VPS13C: variants seen among roughly 807,000 people sequenced by gnomAD.
The protein encoded by VPS13C is intermembrane lipid transfer protein VPS13C.
Under a neutral mutation model 456.8 loss-of-function variants are expected in VPS13C, and 358 were observed. The ratio of observed to expected loss-of-function variants is 0.78; its 90% CI spans 0.72 to 0.86. VPS13C has a LOEUF of 0.86. Among genes scored for constraint, VPS13C ranks in the 40% least tolerant of loss-of-function variants. VPS13C has a pLI of 0.00. For synonymous variants in VPS13C, 1,578 were observed against 1,486.7 expected (o/e 1.06, Z -1.41); for missense variants, 4,818 against 4,385.4 (o/e 1.10, Z -2.79).
intron 79 of VPS13C, among the ~76,000 whole-genome samples, chr15:61,870,844 G>C (rs775956431): frequency 6.6e-6 from 1 of 152,180 alleles, no homozygotes; most frequent in Non-Finnish European, 1.5e-5. Context: ...GTTTTGACTC[G>C]CATTTCCCTG....
At chr15:61,948,336 G>C (rs2044673478) in intron 42 of VPS13C, among the ~76,000 whole-genome samples, 1 of 152,084 alleles carries the variant, frequency 6.6e-6, no homozygotes, top group Non-Finnish European at 1.5e-5. Flanking sequence ...AGCAGGTAAA[G>C]CTCTTTTACT....
At chr15:61,876,269 T>C (rs953966961) in intron 75 of VPS13C, among the ~76,000 whole-genome samples, 1 of 152,006 alleles carries the variant, frequency 6.6e-6, no homozygotes, top group African/African-American at 2.4e-5. Context: ...TCCGTCTCTA[T>C]AAAAACTCAA....
chr15:61,885,255 C>CT (rs1198641332), intron 67 of VPS13C, among the ~76,000 whole-genome samples: 1 of 152,012 alleles, frequency 6.6e-6, no homozygotes, highest in East Asian at 1.9e-4. Flanking sequence ...CACTGTTTGT[C>CT]TTCTAATTTT....
rs1467791200 is a variant in VPS13C, at chr15:61,858,009, C to T, written c.10953-1600G>A. On this transcript the variant is annotated intron_variant, in intron 82 of 84. Transcript: ENST00000644861. The surrounding 1 kb of genome is among the most constrained non-coding windows in gnomAD (Gnocchi z 4.4). The stretch of plus-strand genomic sequence containing the variant: ...GTCCTACAATCACTGTGGCAATCTC[C>T]AACACCACCATACATTTCCAAACAG... 6.6e-6 allele frequency among the ~76,000 whole-genome samples: 1 copy of T among 152,140 alleles called. No individual in the cohort carries two copies. Among genetic ancestry groups the T allele is most frequent in the African/African-American group, 2.4e-5 (1 of 41,428 alleles).
In VPS13C at chr15:61,912,016, A is replaced by C; in HGVS notation, c.8551-12T>G. The C allele has an allele frequency of 6.4e-7, 1 of 1,552,668 alleles. No homozygotes were observed. Among genetic ancestry groups the C allele is most frequent in the Non-Finnish European group, 8.7e-7 (1 of 1,147,578 alleles). On this transcript the variant is annotated splice_polypyrimidine_tract_variant and intron_variant, in intron 62 of 84. Transcript: ENST00000644861. Reference sequence around the variant, plus strand: ...ATGCTAACACCAACCTGTGGAAAGGAAAAAAGCTTATTTTCCAGTTTATTC... The same window carrying C: ...ATGCTAACACCAACCTGTGGAAAGGCAAAAAGCTTATTTTCCAGTTTATTC...
chr15:61,924,410 C>T lies in VPS13C; in HGVS notation c.6609+1046G>A, dbSNP rs1189097022. 2.6e-5 allele frequency among the ~76,000 whole-genome samples: 4 copies of T among 152,310 alleles called. No homozygotes were observed. The East Asian group carries it at 7.7e-4, about 29-fold the overall frequency. On this transcript the variant is annotated intron_variant, in intron 53 of 84. Coordinates refer to ENST00000644861, the MANE Select transcript of VPS13C (RefSeq NM_020821.3). ...GAAAGCTGTAATCACTGATTTCTTT[C>T]TTTCTCCCGCATATGTCATTAAGTT...
chr15:61,945,679 C>T, intron 45 of VPS13C, 36 bp downstream of exon 45: 2 of 1,506,116 alleles, frequency 1.3e-6, no homozygotes, highest in African/African-American at 1.4e-5. Flanking sequence ...GATATTTAGG[C>T]CTCAGTGAGG....
At chr15:61,919,975 A>C in intron 57 of VPS13C, 92 bp downstream of exon 57, 4 of 1,237,726 alleles carry the variant, frequency 3.2e-6, no homozygotes, top group Non-Finnish European at 4.3e-6. Context: ...ATCTCCAGAT[A>C]TCTGCAGCAA....
intron 3 of VPS13C, among the ~76,000 whole-genome samples, chr15:62,038,913 C>T (rs1317678907): frequency 6.6e-6 from 1 of 152,158 alleles, no homozygotes. Context: ...CCATCTTACA[C>T]CAGCTAGAAT....
chr15:62,002,010 T>C (rs1179283946), intron 15 of VPS13C, among the ~76,000 whole-genome samples: 1 of 152,196 alleles, frequency 6.6e-6, no homozygotes, highest in Non-Finnish European at 1.5e-5. Flanking sequence ...GCAGCATGAT[T>C]TATAGTCCTT....
chr15:61,991,095 C>T lies in VPS13C; in HGVS notation c.1484-1G>A. ...TCTGGAGTCATAAGGTCATCAATAG[C>T]TATGAAAAAACAACATTTTAAGAAA... On this transcript the variant is annotated splice_acceptor_variant, in intron 17 of 84. Coordinates refer to ENST00000644861, the MANE Select transcript of VPS13C (RefSeq NM_020821.3). LOFTEE classifies it high-confidence loss of function. The T allele has an allele frequency of 1.9e-6, 3 of 1,590,302 alleles. No individual in the cohort carries two copies. The South Asian group carries it at 3.5e-5, about 18-fold the overall frequency.
intron 16 of VPS13C, among the ~76,000 whole-genome samples, chr15:62,000,214 A>T (rs749761553): frequency 6.6e-6 from 1 of 152,210 alleles, no homozygotes; most frequent in Non-Finnish European, 1.5e-5. Context: ...CTACAAAAAA[A>T]AATTAGCCGG....
intron 9 of VPS13C, among the ~76,000 whole-genome samples, chr15:62,014,625 C>A (rs1434535130): frequency 6.6e-6 from 1 of 152,018 alleles, no homozygotes; most frequent in Non-Finnish European, 1.5e-5. Flanking sequence ...TTTACTATTG[C>A]TGTAGTTGTT....
chr15:61,968,587 A>G (rs148502455), intron 28 of VPS13C, among the ~76,000 whole-genome samples: 11 of 152,294 alleles, frequency 7.2e-5, no homozygotes, highest in African/African-American at 2.2e-4. Flanking sequence ...CCATTCCTAC[A>G]TGCCTCAAAT....
chr15:61,965,588 CA>C (rs1265549746), intron 30 of VPS13C, among the ~76,000 whole-genome samples: 2 of 151,808 alleles, frequency 1.3e-5, no homozygotes, highest in African/African-American at 4.8e-5. Context: ...AATATTAAAA[CA>C]GATTTCCCCA....
At chr15:61,997,310 C>T (rs562809555) in intron 16 of VPS13C, among the ~76,000 whole-genome samples, 1 of 152,248 alleles carries the variant, frequency 6.6e-6, no homozygotes, top group Non-Finnish European at 1.5e-5. Flanking sequence ...GGTTCTTTCC[C>T]ATCCCTCTGA....
At chr15:61,918,106 T>G (rs760060552) in intron 59 of VPS13C, 30 bp downstream of exon 59, 2 of 1,548,364 alleles carry the variant, frequency 1.3e-6, no homozygotes, top group Non-Finnish European at 1.7e-6. Flanking sequence ...TCAATACATT[T>G]AAAGTTTAAT....
chr15:62,028,512 T>C (rs1431510925), intron 5 of VPS13C, 92 bp from the exon 6 acceptor site: 1 of 1,254,192 alleles, frequency 8.0e-7, no homozygotes, highest in Non-Finnish European at 1.1e-6. Context: ...TTTAATTTCA[T>C]ATAATTAGAA....
chr15:61,984,386 T>C (rs1290344031), intron 19 of VPS13C, among the ~76,000 whole-genome samples: 1 of 152,242 alleles, frequency 6.6e-6, no homozygotes, highest in African/African-American at 2.4e-5. Context: ...GTCATTTCCA[T>C]TCAGCTATCC....
Sources: gnomAD v4.1 joint callset for allele counts (sites outside exome capture counted in the v4.1 genomes callset) on GRCh38, gnomAD v4.1.1 for gene constraint, Gnocchi (gnomAD v3.1) non-coding constraint, MANE v1.5 for transcripts, NCBI Gene and HGNC (gene_info 2026-07-23, HGNC 2026-07-21) for gene names.